Variants in DCLK1 observed in about 807,000 individuals in gnomAD.
DCLK1 encodes doublecortin like kinase 1.
Under a neutral mutation model 86.2 loss-of-function variants are expected in DCLK1, and 16 were observed. That is an observed-to-expected ratio of 0.19 (90% CI 0.13 to 0.28). DCLK1 has a LOEUF of 0.28. Ranked by LOEUF, DCLK1 falls within the 10% of genes least tolerant of loss-of-function variation. DCLK1 has a pLI of 1.00. For missense variants in DCLK1, 590 were observed against 940.2 expected (o/e 0.63, Z 4.87); for synonymous variants, 369 against 370.5 (o/e 1.00, Z 0.05).
intron 4 of DCLK1, among the ~76,000 whole-genome samples, chr13:35,924,294 C>G (rs1033089334): frequency 2.0e-4 from 30 of 152,142 alleles, no homozygotes; most frequent in African/African-American, 5.8e-4. Context: ...TCCAGCAGAC[C>G]GTTACAAAGG....
intron 3 of DCLK1, among the ~76,000 whole-genome samples, chr13:35,990,768 T>C (rs1880185366): frequency 6.8e-6 from 1 of 146,302 alleles, no homozygotes; most frequent in Non-Finnish European, 1.5e-5. Context: ...GTTACTATTT[T>C]TGTTGGTTTT....
intron 4 of DCLK1, among the ~76,000 whole-genome samples, chr13:35,939,842 A>T (rs960560820): frequency 6.6e-6 from 1 of 152,236 alleles, no homozygotes; most frequent in Non-Finnish European, 1.5e-5. Context: ...AATCCAATTA[A>T]AATTTAGATT....
At chr13:35,953,370 T>C (rs1421401515) in intron 3 of DCLK1, among the ~76,000 whole-genome samples, 1 of 152,144 alleles carries the variant, frequency 6.6e-6, no homozygotes, top group East Asian at 1.9e-4. Flanking sequence ...TTTCAGCTGA[T>C]AAAATCATTA....
intron 3 of DCLK1, among the ~76,000 whole-genome samples, chr13:35,972,706 C>G (rs923807484): frequency 5.3e-5 from 8 of 151,936 alleles, no homozygotes; most frequent in Admixed American, 6.6e-5. Flanking sequence ...GAGGTGGACT[C>G]AAAAGATGGC....
chr13:36,088,694 T>C (rs1884705517), intron 3 of DCLK1, among the ~76,000 whole-genome samples: 1 of 152,216 alleles, frequency 6.6e-6, no homozygotes, highest in Admixed American at 6.5e-5. Context: ...GGGTTCCCGA[T>C]GTACCTTGAG....
intron 3 of DCLK1, among the ~76,000 whole-genome samples, chr13:35,972,146 T>C (rs1879094611): frequency 6.6e-6 from 1 of 152,234 alleles, no homozygotes; most frequent in African/African-American, 2.4e-5. Context: ...CAACTGGTCC[T>C]ATTTACCACC....
intron 3 of DCLK1, among the ~76,000 whole-genome samples, chr13:35,962,096 C>T (rs1003547776): frequency 6.6e-6 from 1 of 152,182 alleles, no homozygotes; most frequent in Admixed American, 6.5e-5. Flanking sequence ...TGAAACTCTA[C>T]AGCGAACAAA....
At chr13:36,037,679 T>A (rs1025403544) in intron 3 of DCLK1, among the ~76,000 whole-genome samples, 4 of 152,044 alleles carry the variant, frequency 2.6e-5, no homozygotes, top group Non-Finnish European at 4.4e-5. Flanking sequence ...AGACGGAGTT[T>A]CACCATGTTG....
intron 3 of DCLK1, among the ~76,000 whole-genome samples, chr13:35,991,277 T>A (rs1214190084): frequency 6.6e-6 from 1 of 152,186 alleles, no homozygotes; most frequent in African/African-American, 2.4e-5. Context: ...TACGTCTCCA[T>A]GACTGTTCAC....
At chr13:36,064,038 A>T (rs991397253) in intron 3 of DCLK1, among the ~76,000 whole-genome samples, 2 of 152,318 alleles carry the variant, frequency 1.3e-5, no homozygotes, top group Middle Eastern at 3.4e-3. Context: ...AGAAGTAATA[A>T]AGGTATGATA....
At chr13:35,891,658 A>G (rs542280971) in intron 4 of DCLK1, among the ~76,000 whole-genome samples, 8 of 152,164 alleles carry the variant, frequency 5.3e-5, no homozygotes, top group Non-Finnish European at 8.8e-5. Context: ...TAAAAAATAA[A>G]TTGTGGTGTG....
At chr13:35,966,111 A>G (rs1360668197) in intron 3 of DCLK1, among the ~76,000 whole-genome samples, 2 of 152,254 alleles carry the variant, frequency 1.3e-5, no homozygotes, top group African/African-American at 4.8e-5. Context: ...CATTATTAAC[A>G]AATAAACAGA....
intron 3 of DCLK1, among the ~76,000 whole-genome samples, chr13:36,081,467 C>T (rs556851806): frequency 1.3e-5 from 2 of 152,210 alleles, no homozygotes; most frequent in East Asian, 1.9e-4. Flanking sequence ...AAAGACCACT[C>T]ATAGTTCAAA....
At chr13:36,019,289 T>C (rs1303981338) in intron 3 of DCLK1, among the ~76,000 whole-genome samples, 3 of 152,216 alleles carry the variant, frequency 2.0e-5, no homozygotes, top group Non-Finnish European at 4.4e-5. Context: ...CAAGCCTATG[T>C]AGAAAACAGA....
At chr13:35,941,618 C>T (rs1461754434) in intron 4 of DCLK1, among the ~76,000 whole-genome samples, 4 of 152,160 alleles carry the variant, frequency 2.6e-5, no homozygotes, top group Non-Finnish European at 5.9e-5. Flanking sequence ...CACACACACG[C>T]ACACGCACGC....
At chr13:36,094,366 A>T (rs889932131) in intron 3 of DCLK1, among the ~76,000 whole-genome samples, 11 of 152,272 alleles carry the variant, frequency 7.2e-5, no homozygotes, top group Middle Eastern at 3.4e-3. Context: ...CCTATATTTA[A>T]CCAATGGTTA....
intron 4 of DCLK1, among the ~76,000 whole-genome samples, chr13:35,924,578 A>G (rs1189322940): frequency 6.6e-6 from 1 of 152,158 alleles, no homozygotes; most frequent in Non-Finnish European, 1.5e-5. Context: ...CTTGAACCCA[A>G]GGTGAAGGTT....
rs772036139 is a variant in DCLK1 at position 35,847,858 on chromosome 13, T to C, written c.1035+6641A>G. ...GAGAGAACCTGACACTTCTTAAAATTCTATGGCAGTACAGAAACTGTCTAG... is the reference window on the plus strand; with the variant it reads ...GAGAGAACCTGACACTTCTTAAAATCCTATGGCAGTACAGAAACTGTCTAG... On this transcript the variant is annotated intron_variant, in intron 6 of 16. Coordinates refer to ENST00000360631, the MANE Select transcript of DCLK1 (RefSeq NM_001330071.2). 7.5e-5 allele frequency: 74 copies of C among 985,180 alleles called. 1 individual carries two copies. The highest frequency in any genetic ancestry group is 8.6e-5 in the Non-Finnish European group (71 of 829,848). 61.0% of individuals were successfully genotyped at this position (985,180 alleles called of 1,614,324 possible). A position where few individuals can be genotyped will look rare whatever the true frequency, so the allele number is the denominator to read the frequency against.
chr13:35,954,885 G>C (rs935343836), intron 3 of DCLK1, among the ~76,000 whole-genome samples: 2 of 152,018 alleles, frequency 1.3e-5, no homozygotes, highest in Non-Finnish European at 2.9e-5. Context: ...TAGGCTAGGA[G>C]ATAACACTCA....
Sources: allele counts gnomAD v4.1 joint callset (sites outside exome capture counted in the v4.1 genomes callset), GRCh38; gene constraint gnomAD v4.1.1; transcripts MANE v1.5; gene names NCBI Gene and HGNC (gene_info 2026-07-23, HGNC 2026-07-21).